The following SCNN1A variants were observed in gnomAD, a reference collection of about 807,000 sequenced individuals.
SCNN1A encodes the protein sodium channel epithelial 1 subunit alpha.
A neutral mutation model predicts 68.6 loss-of-function variants in SCNN1A; 65 were observed. The observed-to-expected ratio is 0.95, with a 90% CI of 0.78 to 1.16. The LOEUF (loss-of-function observed/expected upper bound fraction) is 1.16. Among genes scored for constraint, SCNN1A ranks in the 50% most tolerant of loss-of-function variants. SCNN1A has a pLI of 0.00. For synonymous variants in SCNN1A, 357 were observed against 353.3 expected, an observed-to-expected ratio of 1.01 and a Z score of -0.12; for missense variants, 880 against 865.9, an observed-to-expected ratio of 1.02 and a Z score of -0.20.
intron 2 of SCNN1A, among the ~76,000 whole-genome samples, chr12:6,370,629 T>C (rs113176443): frequency 3.9e-5 from 6 of 152,308 alleles, no homozygotes; most frequent in Admixed American, 1.3e-4. Flanking sequence ...CCAGGCTTTT[T>C]TTCCTGCCAG....
At position 6,349,396 on chromosome 12, in the gene SCNN1A, T is replaced by C; in HGVS notation, c.1370A>G (p.Tyr457Cys). 1 of 1,592,784 alleles carries C rather than the reference T, an allele frequency of 6.3e-7. No individual in the cohort carries two copies. The highest frequency in any genetic ancestry group is 8.6e-7 in the Non-Finnish European group (1 of 1,168,994). ...YRKHSSWGYC[Y>C]YKLQVDFSSD... is the part of the protein sequence containing the mutation. ...GGAGAAGTCAACCTGGAGCTTATAG[T>C]AGCAGTACCCTGTGGGTACAGAGAG... Residue 457 changes from tyrosine (Y) to cysteine (C), a missense_variant, in exon 9 of 13, where the codon TAC becomes TGC. Tyr to Cys is a radical substitution (Grantham distance 194). Around this residue, in one of 3 missense-constraint regions of SCNN1A, gnomAD observed 758 missense variants for 721.8 expected, o/e 1.05. Transcript: ENST00000228916.
intron 3 of SCNN1A, 31 bp downstream of exon 3, chr12:6,363,411 CG>C: frequency 6.7e-7 from 1 of 1,486,538 alleles, no homozygotes; most frequent in South Asian, 1.3e-5. Flanking sequence ...CGGCGAGGGG[CG>C]GGGCGGGCCC....
rs757599210 is a variant in SCNN1A at position 6,374,778 on chromosome 12, C to T, written c.6G>A (p.Glu2=). The change falls in exon 2 of 13, where the codon GAG becomes GAA. Residue 2 remains glutamate, a synonymous_variant. Transcript: ENST00000228916. The surrounding 1 kb of genome is among the most constrained non-coding windows in gnomAD (Gnocchi z 6.2). M[E]GNKLEEQDSS... ...AGTCCTGCTCCTCCAGCTTGTTCCC[C>T]TCCATGAGACCTGGTATGGGCTGCA... 14 of 1,613,914 alleles carry T rather than the reference C, an allele frequency of 8.7e-6. No individual in the cohort carries two copies. Among genetic ancestry groups the T allele is most frequent in the African/African-American group, 1.3e-5 (1 of 74,862 alleles).
Position 6,351,669 on chromosome 12 carries a change from T to C in SCNN1A, c.1361-2264A>G, listed in dbSNP as rs954847762. On this transcript the variant is annotated intron_variant, in intron 8 of 12. Coordinates refer to ENST00000228916, the MANE Select transcript of SCNN1A (RefSeq NM_001038.6). This position sits in a 1 kb window ranked among gnomAD's most constrained non-coding sequence, Gnocchi z 4.2. ...AAAAGATTCAGAATAGGCAAATCCA[T>C]AGAGAGAGAAAGAAAGAATCGTGGT... is the stretch of plus-strand genomic sequence containing the variant. 2.7e-5 allele frequency among the ~76,000 whole-genome samples: 4 copies of C among 150,086 alleles called. No homozygotes were observed. Among genetic ancestry groups the C allele is most frequent in the African/African-American group, 9.8e-5 (4 of 40,806 alleles).
intron 2 of SCNN1A, among the ~76,000 whole-genome samples, chr12:6,373,476 A>T (rs1474528670): frequency 6.6e-6 from 1 of 152,232 alleles, no homozygotes; most frequent in Non-Finnish European, 1.5e-5. Context: ...TTATTCATGA[A>T]TCCATTTTGC....
intron 3 of SCNN1A, among the ~76,000 whole-genome samples, 197 bp from the exon 4 acceptor site, chr12:6,362,438 G>C (rs1319451946): frequency 6.6e-6 from 1 of 152,152 alleles, no homozygotes; most frequent in Non-Finnish European, 1.5e-5. Context: ...GGGATTAAGG[G>C]AGTTGCAGGC....
rs986050240 is a variant in SCNN1A at position 6,363,859 on chromosome 12, C to CCGT, written c.417-152_417-150dup. ...CTGGGGTCGTCGTGGCGCCTCCTGG[C>CCGT]CGTCCGGCGGTGAAGGGTAAACAGG... On this transcript the variant is annotated intron_variant, in intron 2 of 12. Transcript: ENST00000228916. 3.5e-5 allele frequency: 23 copies of CCGT among 665,590 alleles called. No homozygotes were observed. In the Admixed American group the frequency reaches 7.6e-4, roughly 22 times the overall value. The allele number at this position is 665,590 out of a possible 1,614,324, so 41.2% of individuals were successfully genotyped here. A position where few individuals can be genotyped will look rare whatever the true frequency, so the allele number is the denominator to read the frequency against.
rs1033247413 is a variant in SCNN1A at position 6,351,900 on chromosome 12, C to T, written c.1361-2495G>A. On this transcript the variant is annotated intron_variant, in intron 8 of 12. Coordinates refer to ENST00000228916, the MANE Select transcript of SCNN1A (RefSeq NM_001038.6). The surrounding 1 kb of genome is among the most constrained non-coding windows in gnomAD (Gnocchi z 4.2). ...TCAGCCTCCCAAGTGGCTGGGTCTGCAGGTGTGCACCACCATGCCCAGCTA... is the reference window on the plus strand; with the variant it reads ...TCAGCCTCCCAAGTGGCTGGGTCTGTAGGTGTGCACCACCATGCCCAGCTA... Among the ~76,000 whole-genome samples, 1 of 152,074 alleles carries T rather than the reference C, an allele frequency of 6.6e-6. No individual in the cohort carries two copies.
chr12:6,347,969 T>A lies in SCNN1A; in HGVS notation c.1914A>T (p.Thr638=), dbSNP rs777865080. 4.0e-5 allele frequency: 63 copies of A among 1,564,404 alleles called. No homozygotes were observed. The highest frequency in any genetic ancestry group is 5.4e-5 in the Non-Finnish European group (62 of 1,150,078). ...QPGPAPSPAL[T]APPPAYATLG... ...GGGTGGCATAGGCAGGGGGAGGGGC[T>A]GTCAAGGCTGGAGAGGGAGCAGGGC... Residue 638 remains threonine (T), a synonymous_variant, in exon 13 of 13, where the codon ACA becomes ACT. Transcript: ENST00000228916.
rs912450085 is a variant in SCNN1A at position 6,362,151 on chromosome 12, T to A, written c.775A>T (p.Ile259Phe). 1.2e-6 allele frequency: 2 copies of A among 1,614,216 alleles called. No individual in the cohort carries two copies. The highest frequency in any genetic ancestry group is 2.2e-5 in the East Asian group (1 of 44,882). The change falls in exon 4 of 13, where the codon ATC becomes TTC. Residue 259 changes from isoleucine to phenylalanine, a missense_variant. Physicochemically the swap from Ile to Phe is conservative, Grantham distance 21. Transcript: ENST00000228916. ...AGAGTCTCTGGCAGCCTCGACAGGA[T>A]GTTGATGTAGTGGAAGCGGTACCAC... is the stretch of plus-strand genomic sequence containing the variant. ...REWYRFHYINILSRLPETLPS... is the reference protein window; with the variant it reads ...REWYRFHYINFLSRLPETLPS...
In SCNN1A at chr12:6,374,365, G is replaced by A. The variant is rs181894737; in HGVS notation, c.416+3C>T. 2.4e-4 allele frequency: 393 copies of A among 1,614,076 alleles called. No homozygotes were observed. In the African/African-American group the frequency reaches 3.7e-3, roughly 15 times the overall value. ...CAGGGAAGGGGCAGAGGGACTAACC[G>A]ACCTGTAGGGATTGAGGGTGCAGAT... On this transcript the variant is annotated splice_donor_region_variant and intron_variant, in intron 2 of 12. Transcript: ENST00000228916. This position sits in a 1 kb window ranked among gnomAD's most constrained non-coding sequence, Gnocchi z 6.2.
At chr12:6,373,553 C>T (rs1948833007) in intron 2 of SCNN1A, among the ~76,000 whole-genome samples, 1 of 152,150 alleles carries the variant, frequency 6.6e-6, no homozygotes, top group Non-Finnish European at 1.5e-5. Flanking sequence ...TGAGTGAATA[C>T]AAATAAAAGG....
chr12:6,362,853 AT>A (rs74538150), intron 3 of SCNN1A, among the ~76,000 whole-genome samples: 42,772 of 106,088 alleles, frequency 0.4, 9,828 homozygotes, highest in East Asian at 0.56. Flanking sequence ...TAATTTTTGT[AT>A]TTTTTTTTTG....
At chr12:6,348,497 C>A (rs1403422227) in intron 12 of SCNN1A, among the ~76,000 whole-genome samples, 1 of 147,534 alleles carries the variant, frequency 6.8e-6, no homozygotes, top group East Asian at 2.0e-4. Context: ...AGCGCCTTCA[C>A]CCCAGCATCT....
intron 6 of SCNN1A, 134 bp downstream of exon 6, chr12:6,355,138 C>CA: frequency 9.7e-7 from 1 of 1,027,098 alleles, no homozygotes; most frequent in Non-Finnish European, 1.5e-6. Flanking sequence ...CTCTGCCCCT[C>CA]ATTCCTGCTC....
intron 5 of SCNN1A, 151 bp from the exon 6 acceptor site, chr12:6,355,586 A>C (rs911990350): frequency 2.9e-6 from 3 of 1,050,654 alleles, no homozygotes; most frequent in African/African-American, 1.6e-5. Context: ...GCAACCCCTG[A>C]GCTGGAATCT....
chr12:6,374,841 C>T lies in SCNN1A; in HGVS notation c.-54-4G>A. The T allele has an allele frequency of 1.9e-6, 3 of 1,614,130 alleles. No homozygotes were observed. Among genetic ancestry groups the T allele is most frequent in the Non-Finnish European group, 2.5e-6 (3 of 1,180,026 alleles). On this transcript the variant is annotated splice_region_variant and splice_polypyrimidine_tract_variant and intron_variant, in intron 1 of 12. Transcript: ENST00000228916. The surrounding 1 kb of genome is among the most constrained non-coding windows in gnomAD (Gnocchi z 6.2). ...CCTGCTCCTCCAGCTTGTTCCCCTT[C>T]ATGAGCCCCGGAGTGGATTGGGGAG... is the stretch of plus-strand genomic sequence containing the variant.
upstream of SCNN1A, chr12:6,375,878 G>T (rs1289380679): frequency 7.8e-7 from 1 of 1,286,948 alleles, no homozygotes. Flanking sequence ...CGGGAGGACA[G>T]GAGGGCAGAA....
At chr12:6,361,986 G>T in intron 4 of SCNN1A, 65 bp downstream of exon 4, 1 of 1,544,018 alleles carries the variant, frequency 6.5e-7, no homozygotes, top group Non-Finnish European at 8.9e-7. Context: ...GCCCATGCAG[G>T]GCGTGAGGCT....
Sources: gnomAD v4.1 joint callset for allele counts (sites outside exome capture counted in the v4.1 genomes callset) on GRCh38, gnomAD v4.1.1 for gene constraint, gnomAD v4.1.1 regional missense constraint, Gnocchi (gnomAD v3.1) non-coding constraint, MANE v1.5 for transcripts, NCBI Gene and HGNC (gene_info 2026-07-23, HGNC 2026-07-21) for gene names.